Variants in CHD7 observed in about 807,000 individuals in gnomAD.
The protein encoded by CHD7 is chromodomain helicase DNA binding protein 7.
In CHD7, 24 loss-of-function variants were observed where a neutral mutation model predicts 307.3. That is an observed-to-expected ratio of 0.08 (90% CI 0.06 to 0.11). The LOEUF is 0.11. Among genes scored for constraint, CHD7 ranks in the 10% least tolerant of loss-of-function variants. The pLI, the probability that CHD7 is intolerant of heterozygous loss-of-function variation, is 1.00. For synonymous variants in CHD7, 1,363 were observed against 1,349.9 expected (o/e 1.01, Z -0.21); for missense variants, 3,106 against 3,727.1 (o/e 0.83, Z 4.34).
intron 1 of CHD7, among the ~76,000 whole-genome samples, chr8:60,695,015 G>A (rs919970789): frequency 2.0e-5 from 3 of 152,138 alleles, no homozygotes; most frequent in East Asian, 1.9e-4. Flanking sequence ...GCTTTGGCTA[G>A]GCGGGGAAAA....
In CHD7 at chr8:60,852,013, C is replaced by T; in HGVS notation, c.5666-6C>T. On this transcript the variant is annotated splice_region_variant and splice_polypyrimidine_tract_variant and intron_variant, in intron 28 of 37. Coordinates refer to ENST00000423902, the MANE Select transcript of CHD7 (RefSeq NM_017780.4). ...ACATTTCAAAAATGTTTTTCCACTT[C>T]CCCAGGCAAGCACAGTGAGAGTAAT... 2 of 1,597,960 alleles carry T rather than the reference C, an allele frequency of 1.3e-6. No homozygotes were observed. The highest frequency in any genetic ancestry group is 1.7e-6 in the Non-Finnish European group (2 of 1,169,272).
chr8:60,720,520 G>A lies in CHD7; in HGVS notation c.-174-20739G>A, dbSNP rs117447137. The stretch of plus-strand genomic sequence containing the variant: ...TGAAGTCAAGTATCATTCCATGTGT[G>A]TTTTTGGCCTTCTTCGTTTCCTTAA... On this transcript the variant is annotated intron_variant, in intron 1 of 37. Transcript: ENST00000423902. Among the ~76,000 whole-genome samples the A allele has an allele frequency of 6.2e-3, 951 of 152,246 alleles. 7 individuals are homozygous for A. The highest frequency in any genetic ancestry group is 0.016 in the South Asian group (77 of 4,820).
intron 1 of CHD7, among the ~76,000 whole-genome samples, chr8:60,696,464 A>G (rs1054502779): frequency 1.4e-4 from 21 of 152,266 alleles, no homozygotes; most frequent in African/African-American, 4.8e-4. Context: ...TTGATCTAAG[A>G]CGCAGTTTCT....
chr8:60,856,965 C>A (rs1805747985), intron 34 of CHD7, 77 bp downstream of exon 34: 1 of 1,299,270 alleles, frequency 7.7e-7, no homozygotes, highest in Non-Finnish European at 1.1e-6. Context: ...CGATGCTGGG[C>A]TGTGTTTCTC....
chr8:60,719,076 A>G (rs1807763890), intron 1 of CHD7, among the ~76,000 whole-genome samples: 1 of 152,210 alleles, frequency 6.6e-6, no homozygotes, highest in African/African-American at 2.4e-5. Flanking sequence ...AGATAAAATC[A>G]CTTAGCGACA....
chr8:60,706,024 C>T (rs1586188909), intron 1 of CHD7, among the ~76,000 whole-genome samples: 2 of 151,748 alleles, frequency 1.3e-5, no homozygotes, highest in East Asian at 3.9e-4. Context: ...CTTAGGACCT[C>T]AAAGGAAAGT....
intron 7 of CHD7, chr8:60,809,670 A>G (rs1258466565): frequency 7.4e-3 from 82 of 11,108 alleles, no homozygotes; most frequent in African/African-American, 0.016. Context: ...GGAGTTTTGA[A>G]AAAAAAAAAA....
chr8:60,758,960 G>A (rs1360955066), intron 2 of CHD7, among the ~76,000 whole-genome samples: 1 of 152,180 alleles, frequency 6.6e-6, no homozygotes, highest in African/African-American at 2.4e-5. Flanking sequence ...ACAATTACCA[G>A]CGTATTTTTC....
At chr8:60,792,183 A>T (rs986712583) in intron 3 of CHD7, among the ~76,000 whole-genome samples, 1 of 152,226 alleles carries the variant, frequency 6.6e-6, no homozygotes, top group Non-Finnish European at 1.5e-5. Flanking sequence ...GTCTTGACTC[A>T]TATCAGTGCT....
chr8:60,760,098 A>G (rs1004819513), intron 2 of CHD7, among the ~76,000 whole-genome samples: 1 of 152,224 alleles, frequency 6.6e-6, no homozygotes, highest in Non-Finnish European at 1.5e-5. Flanking sequence ...GGGTCAGACA[A>G]GGCTTCACAG....
chr8:60,715,151 A>G (rs991029612), intron 1 of CHD7, among the ~76,000 whole-genome samples: 11 of 152,240 alleles, frequency 7.2e-5, no homozygotes, highest in East Asian at 3.9e-4. Context: ...CATTGACACT[A>G]TTTGCTTCCG....
At position 60,844,048 on chromosome 8, in the gene CHD7, G is replaced by C. The variant is rs558654662; in HGVS notation, c.4851-816G>C. On this transcript the variant is annotated intron_variant, in intron 21 of 37. Coordinates refer to ENST00000423902, the MANE Select transcript of CHD7 (RefSeq NM_017780.4). ...CTGTTCATACCATGAGCACTGCCTT[G>C]GTGGCTCAGTCTGCTGTCGCCTGGG... is the stretch of plus-strand genomic sequence containing the variant. Among the ~76,000 whole-genome samples the C allele has an allele frequency of 2.4e-4, 36 of 152,330 alleles. 1 individual carries two copies. The highest frequency in any genetic ancestry group is 7.2e-4 in the Admixed American group (11 of 15,310).
At chr8:60,766,434 C>T (rs13278198) in intron 2 of CHD7, among the ~76,000 whole-genome samples, 33,044 of 152,184 alleles carry the variant, frequency 0.22, 5,980 homozygotes, top group African/African-American at 0.5. Flanking sequence ...AAACGTGATG[C>T]GATCTGATTT....
chr8:60,691,577 G>T (rs117155038), intron 1 of CHD7, among the ~76,000 whole-genome samples: 4 of 152,276 alleles, frequency 2.6e-5, no homozygotes, highest in Non-Finnish European at 5.9e-5. Context: ...GTCGTAGTTG[G>T]TACTTGAGTT....
chr8:60,748,200 G>C (rs1469265351), intron 2 of CHD7, among the ~76,000 whole-genome samples: 1 of 152,176 alleles, frequency 6.6e-6, no homozygotes, highest in African/African-American at 2.4e-5. Flanking sequence ...AGTGGGCGAG[G>C]TGGGGGTCTG....
At chr8:60,768,834 GA>G (rs35450167) in intron 2 of CHD7, among the ~76,000 whole-genome samples, 117,802 of 151,268 alleles carry the variant, frequency 0.78, 46,067 homozygotes, top group East Asian at 0.94. Flanking sequence ...AAGCTACCAT[GA>G]AAAAAAAAAC....
At chr8:60,752,734 A>G (rs533960343) in intron 2 of CHD7, among the ~76,000 whole-genome samples, 3 of 152,352 alleles carry the variant, frequency 2.0e-5, no homozygotes, top group African/African-American at 7.2e-5. Context: ...AAAAACAATA[A>G]TAGAAAATTG....
rs1223646840 is a variant in CHD7 at position 60,781,212 on chromosome 8, C to T, written c.1878C>T (p.Asn626=). The T allele has an allele frequency of 3.1e-6, 5 of 1,595,742 alleles. No individual in the cohort carries two copies. The highest frequency in any genetic ancestry group is 1.1e-5 in the South Asian group (1 of 88,206). ...GKDDFPGGVD[N]QELNRNSLDG... The stretch of plus-strand genomic sequence containing the variant: ...ATGACTTCCCTGGTGGGGTAGATAA[C>T]CAAGAACTAAATAGGAACTCACTGG... The change falls in exon 3 of 38, where the codon AAC becomes AAT. Residue 626 remains asparagine, a synonymous_variant. Transcript: ENST00000423902.
chr8:60,846,572 TGAG>T (rs1273619890), intron 23 of CHD7, among the ~76,000 whole-genome samples: 1 of 152,224 alleles, frequency 6.6e-6, no homozygotes, highest in Admixed American at 6.5e-5. Context: ...TTCAGCCTCT[TGAG>T]GACTCACTTT....
Sources: allele counts gnomAD v4.1 joint callset (sites outside exome capture counted in the v4.1 genomes callset), GRCh38; gene constraint gnomAD v4.1.1; transcripts MANE v1.5; gene names NCBI Gene and HGNC (gene_info 2026-07-23, HGNC 2026-07-21).